TMEM106A: variants seen among roughly 807,000 people sequenced by gnomAD.
TMEM106A encodes the protein transmembrane protein 106A.
Under a neutral mutation model 25.1 loss-of-function variants are expected in TMEM106A, and 22 were observed. The ratio of observed to expected loss-of-function variants is 0.88; its 90% CI spans 0.63 to 1.25. TMEM106A has a LOEUF of 1.25. Among genes scored for constraint, TMEM106A ranks in the 50% most tolerant of loss-of-function variants. The probability of loss-of-function intolerance (pLI) is 0.00; values close to 1 mark genes in which losing one functional copy is unlikely to be tolerated. For missense variants in TMEM106A, 275 were observed against 318.1 expected, an observed-to-expected ratio of 0.86 and a Z score of 1.03; for synonymous variants, 104 against 129.9, an observed-to-expected ratio of 0.80 and a Z score of 1.35.
intron 5 of TMEM106A, chr17:43,216,181 G>A (rs758623645): frequency 8.4e-5 from 55 of 651,440 alleles, no homozygotes; most frequent in Non-Finnish European, 1.3e-4. Flanking sequence ...GTGGAGTGGG[G>A]TGACAGTGCC....
Position 43,218,401 on chromosome 17 carries a change from C to T in TMEM106A, c.*600C>T, listed in dbSNP as rs1195952172. The stretch of plus-strand genomic sequence containing the variant: ...GCCGGCTGGGCGCAGTGGCTTACAC[C>T]TGTAATCCCAGTACTTTGGGAGGCC... On this transcript the variant is annotated 3_prime_UTR_variant, in exon 9 of 9. Transcript: ENST00000612339. 1 of 153,030 alleles carries T rather than the reference C, an allele frequency of 6.5e-6. No individual in the cohort carries two copies. Among genetic ancestry groups the T allele is most frequent in the Non-Finnish European group, 1.5e-5 (1 of 68,690 alleles). The allele number at this position is 153,030 out of a possible 1,614,324, so 9.5% of individuals were successfully genotyped here.
rs907824521 is a variant in TMEM106A at position 43,212,971 on chromosome 17, G to A, written c.-21-50G>A. On this transcript the variant is annotated intron_variant, in intron 2 of 8. Coordinates refer to ENST00000612339, the MANE Select transcript of TMEM106A (RefSeq NM_145041.4). The stretch of plus-strand genomic sequence containing the variant: ...AGAACTTCAAACCAAAATTACATCT[G>A]GCGTCAGTGCTAACAAGCTTAGCAC... 4.8e-6 allele frequency: 7 copies of A among 1,467,006 alleles called. No individual in the cohort carries two copies. In the African/African-American group the frequency reaches 9.8e-5, roughly 20 times the overall value. The allele number at this position is 1,467,006 out of a possible 1,614,324, so 90.9% of individuals were successfully genotyped here.
intron 4 of TMEM106A, 62 bp from the exon 5 acceptor site, chr17:43,215,726 T>C (rs1408740978): frequency 6.3e-7 from 1 of 1,585,606 alleles, no homozygotes; most frequent in Non-Finnish European, 8.6e-7. Context: ...GAACCCCCTC[T>C]CCGAGTTTCC....
chr17:43,212,569 G>T (rs750512408), intron 2 of TMEM106A, among the ~76,000 whole-genome samples, 175 bp downstream of exon 2: 7 of 152,160 alleles, frequency 4.6e-5, no homozygotes, highest in Non-Finnish European at 1.0e-4. Context: ...TGAGGTGTCT[G>T]CTTTCTCCCA....
At chr17:43,212,170 G>T (rs1399487684) in intron 1 of TMEM106A, 57 bp from the exon 2 acceptor site, 1 of 152,442 alleles carries the variant, frequency 6.6e-6, no homozygotes, top group African/African-American at 2.4e-5. Context: ...TGGCCCTTCG[G>T]GGAGGTCAGC....
At position 43,218,074 on chromosome 17, in the gene TMEM106A, A is replaced by G; in HGVS notation, c.*273A>G. 5.1e-6 allele frequency: 2 copies of G among 391,260 alleles called. No homozygotes were observed. The highest frequency in any genetic ancestry group is 9.3e-6 in the Non-Finnish European group (2 of 213,924). 24.2% of individuals were successfully genotyped at this position (391,260 alleles called of 1,614,324 possible). On this transcript the variant is annotated 3_prime_UTR_variant, in exon 9 of 9. Transcript: ENST00000612339. ...TTTTTGTTTTTTTTTTGGTAGAGACAGAGTCTCACTGTTGGTCCAGGTTGG... is the reference window on the plus strand; with the variant it reads ...TTTTTGTTTTTTTTTTGGTAGAGACGGAGTCTCACTGTTGGTCCAGGTTGG...
At position 43,213,047 on chromosome 17, in the gene TMEM106A, T is replaced by TAAG. The variant is rs1283953018; in HGVS notation, c.8_10dup (p.Lys3dup). The TAAG allele has an allele frequency of 1.9e-6, 3 of 1,614,058 alleles. No homozygotes were observed. In the African/African-American group the frequency reaches 4.0e-5, roughly 22 times the overall value. ...GAAACCCCCGCCCCTGAAGAATGGG[T>TAAG]AAGACGTTTTCCCAGCTGGGCTCTT... On this transcript the variant is annotated inframe_insertion, in exon 3 of 9. Coordinates refer to ENST00000612339, the MANE Select transcript of TMEM106A (RefSeq NM_145041.4).
intron 1 of TMEM106A, 97 bp downstream of exon 1, chr17:43,212,019 G>C (rs1329218242): frequency 6.6e-6 from 1 of 152,568 alleles, no homozygotes; most frequent in African/African-American, 2.4e-5. Flanking sequence ...GGCGCCCCCC[G>C]CACGGGTACC....
At chr17:43,216,173 G>A (rs1188456658) in intron 5 of TMEM106A, 2 of 653,498 alleles carry the variant, frequency 3.1e-6, no homozygotes, top group Non-Finnish European at 5.2e-6. Flanking sequence ...CCACAGGGGT[G>A]GAGTGGGGTG....
chr17:43,213,118 T>C lies in TMEM106A; in HGVS notation c.77T>C (p.Ile26Thr). ...NKSILSSKPA[I>T]GSKAVNYSST... is the part of the protein sequence containing the mutation. The stretch of plus-strand genomic sequence containing the variant: ...TCAATCCTGTCCTCCAAACCAGCCA[T>C]TGGCAGCAAGGCTGTCAACTACTCC... Residue 26 changes from isoleucine (I) to threonine (T), a missense_variant, in exon 3 of 9, where the codon ATT (isoleucine) becomes ACT (threonine). Physicochemically the swap from Ile to Thr is moderately conservative, Grantham distance 89. Transcript: ENST00000612339. 2 of 1,614,206 alleles carry C rather than the reference T, an allele frequency of 1.2e-6. No homozygotes were observed. Among genetic ancestry groups the C allele is most frequent in the Non-Finnish European group, 1.7e-6 (2 of 1,180,028 alleles).
At chr17:43,214,211 A>G (rs1479824641) in intron 4 of TMEM106A, among the ~76,000 whole-genome samples, 1 of 77,378 alleles carries the variant, frequency 1.3e-5, no homozygotes, top group Non-Finnish European at 3.0e-5. Flanking sequence ...AAAAAGAAAA[A>G]AAAAAAGAAA....
rs1412912260 is a variant in TMEM106A, at chr17:43,213,026, C to A, written c.-16C>A. 10 of 1,613,034 alleles carry A rather than the reference C, an allele frequency of 6.2e-6. No homozygotes were observed. Among genetic ancestry groups the A allele is most frequent in the South Asian group, 1.1e-5 (1 of 91,032 alleles). On this transcript the variant is annotated 5_prime_UTR_variant, in exon 3 of 9. Coordinates refer to ENST00000612339, the MANE Select transcript of TMEM106A (RefSeq NM_145041.4). ...CTTTGGTCTTTTCTCATTAGTGAAA[C>A]CCCCGCCCCTGAAGAATGGGTAAGA...
Position 43,213,366 on chromosome 17 carries a change from C to T in TMEM106A, c.211+114C>T. Reference sequence around the variant, plus strand: ...GATGGGGTTAGATCTGCTCCCAGCTCTTGACCTCCCAGTCTCAGGCTGGCC... The same window carrying T: ...GATGGGGTTAGATCTGCTCCCAGCTTTTGACCTCCCAGTCTCAGGCTGGCC... On this transcript the variant is annotated intron_variant, in intron 3 of 8. Coordinates refer to ENST00000612339, the MANE Select transcript of TMEM106A (RefSeq NM_145041.4). 3 of 1,100,444 alleles carry T rather than the reference C, an allele frequency of 2.7e-6. No individual in the cohort carries two copies. The East Asian group carries it at 7.1e-5, about 26-fold the overall frequency. The allele number at this position is 1,100,444 out of a possible 1,614,324, so 68.2% of individuals were successfully genotyped here. A position where few individuals can be genotyped will look rare whatever the true frequency, so the allele number is the denominator to read the frequency against.
At chr17:43,217,234 C>G (rs748462372) in intron 7 of TMEM106A, 25 bp from the exon 8 acceptor site, 2 of 1,614,026 alleles carry the variant, frequency 1.2e-6, no homozygotes, top group Non-Finnish European at 1.7e-6. Flanking sequence ...CACGTGGTCC[C>G]ACGTTCTCTT....
rs2057509240 is a variant in TMEM106A, at chr17:43,218,676, T to G, written c.*875T>G. 6.6e-6 allele frequency: 1 copy of G among 152,172 alleles called. No homozygotes were observed. The highest frequency in any genetic ancestry group is 1.5e-5 in the Non-Finnish European group (1 of 68,018). The allele number at this position is 152,172 out of a possible 1,614,324, so 9.4% of individuals were successfully genotyped here. ...ACTTTGTCTCAAAAAAAGACTCTTT[T>G]CAAGTTTTCTACCCTCTGATAAGAA... On this transcript the variant is annotated 3_prime_UTR_variant, in exon 9 of 9. Transcript: ENST00000612339.
At position 43,215,886 on chromosome 17, in the gene TMEM106A, GC is replaced by G; in HGVS notation, c.376del (p.Leu126SerfsTer17). The G allele has an allele frequency of 6.2e-7, 1 of 1,614,014 alleles. No homozygotes were observed. The highest frequency in any genetic ancestry group is 8.5e-7 in the Non-Finnish European group (1 of 1,180,000). ...CGGTCCGTCATTGTGCAGCCTGCAG[GC>G]CTCAACTCCTCCACAGTGGCCTTTG... ...FPRSVIVQPA[G>X]LNSSTVAFDE... On this transcript the variant is annotated frameshift_variant, in exon 5 of 9. Transcript: ENST00000612339. LOFTEE classifies it high-confidence loss of function.
rs1170116311 is a variant in TMEM106A at position 43,218,775 on chromosome 17, T to C, written c.*974T>C. 6.6e-6 allele frequency: 1 copy of C among 152,242 alleles called. No individual in the cohort carries two copies. The highest frequency in any genetic ancestry group is 1.5e-5 in the Non-Finnish European group (1 of 68,060). The allele number at this position is 152,242 out of a possible 1,614,324, so 9.4% of individuals were successfully genotyped here. On this transcript the variant is annotated 3_prime_UTR_variant, in exon 9 of 9. Transcript: ENST00000612339. ...GATGCTTTTCTGTGCCTATCTGCTTTGACCATGTGAAAAAGTGATAGTCTG... is the reference window on the plus strand; with the variant it reads ...GATGCTTTTCTGTGCCTATCTGCTTCGACCATGTGAAAAAGTGATAGTCTG...
intron 5 of TMEM106A, 142 bp from the exon 6 acceptor site, chr17:43,216,307 G>T: frequency 4.2e-6 from 5 of 1,177,884 alleles, no homozygotes; most frequent in Non-Finnish European, 6.1e-6. Flanking sequence ...CCCCTCCAAG[G>T]GGCTCCCAGT....
intron 5 of TMEM106A, 164 bp downstream of exon 5, chr17:43,216,105 A>T (rs968895671): frequency 2.3e-6 from 2 of 864,658 alleles, no homozygotes; most frequent in Non-Finnish European, 3.5e-6. Flanking sequence ...TCCATGACAG[A>T]TGGTAAGGAT....
Sources: allele counts gnomAD v4.1 joint callset (sites outside exome capture counted in the v4.1 genomes callset), GRCh38; gene constraint gnomAD v4.1.1; transcripts MANE v1.5; gene names NCBI Gene and HGNC (gene_info 2026-07-23, HGNC 2026-07-21).